DLGAP1: variants seen among roughly 807,000 people sequenced by gnomAD.
DLGAP1 encodes DLG associated protein 1.
In DLGAP1, 11 loss-of-function variants were observed where a neutral mutation model predicts 90.8. The observed-to-expected ratio is 0.12, with a 90% CI of 0.08 to 0.20. The LOEUF is 0.20. DLGAP1 is among the 10% of genes least tolerant of loss of function. The pLI is 1.00. For missense variants in DLGAP1, 1,050 were observed against 1,333.8 expected, an observed-to-expected ratio of 0.79 and a Z score of 3.31; for synonymous variants, 558 against 540.7, an observed-to-expected ratio of 1.03 and a Z score of -0.44.
chr18:4,113,864 G>A (rs572557318), intron 2 of DLGAP1, among the ~76,000 whole-genome samples: 2 of 152,232 alleles, frequency 1.3e-5, no homozygotes, highest in African/African-American at 4.8e-5. Context: ...TTATTGAATA[G>A]TGAGTCCTTT....
At chr18:3,983,623 C>G (rs2073782960) in intron 3 of DLGAP1, 1 of 152,122 alleles carries the variant, frequency 6.6e-6, no homozygotes, top group South Asian at 2.1e-4. Context: ...TGTAAAAGAA[C>G]AAACTGAACA....
intron 2 of DLGAP1, among the ~76,000 whole-genome samples, chr18:4,014,227 A>C (rs1451204933): frequency 2.6e-5 from 4 of 151,950 alleles, no homozygotes; most frequent in Non-Finnish European, 5.9e-5. Flanking sequence ...CTGGGACTAC[A>C]GGTGCGCACC....
chr18:4,337,448 T>C (rs1200507924), intron 1 of DLGAP1, among the ~76,000 whole-genome samples: 5 of 152,032 alleles, frequency 3.3e-5, no homozygotes, highest in African/African-American at 1.2e-4. Context: ...GCCTCAGCCT[T>C]TCAAAGTGCT....
intron 3 of DLGAP1, among the ~76,000 whole-genome samples, chr18:3,908,553 T>TTCAGGTTGGTGGCCACTG (rs2071962956): frequency 6.6e-6 from 1 of 152,124 alleles, no homozygotes; most frequent in Non-Finnish European, 1.5e-5. Flanking sequence ...TGATGTGCAG[T>TTCAGGTTGGTGGCCACTG]TCAGGTTGGT....
At chr18:4,101,616 T>C (rs750419710) in intron 2 of DLGAP1, among the ~76,000 whole-genome samples, 2 of 151,336 alleles carry the variant, frequency 1.3e-5, no homozygotes, top group Non-Finnish European at 2.9e-5. Flanking sequence ...CTGCCAAGCA[T>C]AAAAAAGTGA....
intron 7 of DLGAP1, among the ~76,000 whole-genome samples, chr18:3,664,223 C>T (rs1447355902): frequency 6.6e-6 from 1 of 151,052 alleles, no homozygotes; most frequent in East Asian, 2.0e-4. Flanking sequence ...CACACCCACA[C>T]ACACACACAC....
At chr18:4,402,324 G>T (rs2082572062) in intron 1 of DLGAP1, among the ~76,000 whole-genome samples, 1 of 152,060 alleles carries the variant, frequency 6.6e-6, no homozygotes, top group Non-Finnish European at 1.5e-5. Context: ...CTAAATTTTA[G>T]GAAATTACTT....
chr18:3,928,175 C>A (rs758506592), intron 3 of DLGAP1, among the ~76,000 whole-genome samples: 6 of 152,204 alleles, frequency 3.9e-5, no homozygotes, highest in Non-Finnish European at 1.5e-5. Flanking sequence ...GTATCCAGAG[C>A]AGCATCTAAT....
At chr18:3,805,510 G>C (rs1160316365) in intron 5 of DLGAP1, among the ~76,000 whole-genome samples, 1 of 152,170 alleles carries the variant, frequency 6.6e-6, no homozygotes, top group Non-Finnish European at 1.5e-5. Context: ...AGAGGTAAGA[G>C]GTGAGTTGCA....
At chr18:4,297,528 A>T (rs2080012994) in intron 1 of DLGAP1, among the ~76,000 whole-genome samples, 2 of 152,166 alleles carry the variant, frequency 1.3e-5, no homozygotes, top group African/African-American at 4.8e-5. Context: ...GTCCCTGGTT[A>T]TTTTATTATC....
intron 2 of DLGAP1, among the ~76,000 whole-genome samples, chr18:4,148,058 T>C (rs370854018): frequency 1.3e-5 from 2 of 152,322 alleles, no homozygotes; most frequent in African/African-American, 4.8e-5. Context: ...GCCCCATCCT[T>C]GTCTCTCTTT....
intron 4 of DLGAP1, among the ~76,000 whole-genome samples, chr18:3,842,510 T>C (rs949143246): frequency 1.3e-5 from 2 of 151,746 alleles, no homozygotes; most frequent in Non-Finnish European, 2.9e-5. Flanking sequence ...ATAGTCTAGC[T>C]GAGAAATGAT....
At chr18:4,091,867 T>C (rs1243185281) in intron 2 of DLGAP1, among the ~76,000 whole-genome samples, 2 of 147,318 alleles carry the variant, frequency 1.4e-5, no homozygotes, top group Admixed American at 1.4e-4. Flanking sequence ...TTGAGTCTAG[T>C]TGATAATTTT....
chr18:3,557,662 A>G (rs779418200), intron 9 of DLGAP1, among the ~76,000 whole-genome samples: 5 of 152,192 alleles, frequency 3.3e-5, no homozygotes, highest in Non-Finnish European at 7.3e-5. Context: ...GTTGATTTCT[A>G]GTTTAATTCT....
In DLGAP1 at chr18:3,905,303, C is replaced by T. The variant is rs373920466; in HGVS notation, c.-72-25163G>A. On this transcript the variant is annotated intron_variant, in intron 3 of 12. Transcript: ENST00000315677. ...AATGGCGTGAACCCGGGAGTTGGAG[C>T]TTGCAGTGAACCGAGATCACGCCAC... 1.5e-4 allele frequency among the ~76,000 whole-genome samples: 19 copies of T among 123,356 alleles called. No homozygotes were observed. In the South Asian group the frequency reaches 5.4e-3, roughly 35 times the overall value. 80.9% of individuals were successfully genotyped at this position (123,356 alleles called of 152,430 possible).
chr18:3,859,649 G>A (rs2069900748), intron 4 of DLGAP1, among the ~76,000 whole-genome samples: 1 of 152,122 alleles, frequency 6.6e-6, no homozygotes, highest in South Asian at 2.1e-4. Flanking sequence ...AAGAGGCCAG[G>A]AGTCAAGGAA....
chr18:4,414,625 C>T (rs1269470520), intron 1 of DLGAP1, among the ~76,000 whole-genome samples: 6 of 151,442 alleles, frequency 4.0e-5, no homozygotes, highest in Non-Finnish European at 8.8e-5. Context: ...ACTCGGGAGG[C>T]TGAGGCAGGA....
At chr18:3,919,041 A>G (rs1015910939) in intron 3 of DLGAP1, among the ~76,000 whole-genome samples, 1 of 152,216 alleles carries the variant, frequency 6.6e-6, no homozygotes, top group African/African-American at 2.4e-5. Context: ...GTCCAATGAG[A>G]ATTTTGTCAA....
chr18:4,418,250 C>G lies in DLGAP1; in HGVS notation c.-267+36756G>C, dbSNP rs150686571. Among the ~76,000 whole-genome samples the G allele has an allele frequency of 4.2e-3, 633 of 152,210 alleles. 4 individuals carry two copies. Among genetic ancestry groups the G allele is most frequent in the African/African-American group, 0.015 (616 of 41,538 alleles). ...CAGAAAAAACTGTTAACTTCAGTTT[C>G]CATTGAACTACAGAAGGTGTCCAAT... is the stretch of plus-strand genomic sequence containing the variant. On this transcript the variant is annotated intron_variant, in intron 1 of 12. Transcript: ENST00000315677.
Sources: gnomAD v4.1 joint callset for allele counts (sites outside exome capture counted in the v4.1 genomes callset) on GRCh38, gnomAD v4.1.1 for gene constraint, MANE v1.5 for transcripts, NCBI Gene and HGNC (gene_info 2026-07-23, HGNC 2026-07-21) for gene names.